The following SPPL2B variants were observed in gnomAD, a reference collection of about 807,000 sequenced individuals.
The protein encoded by SPPL2B is signal peptide peptidase-like 2B.
A neutral mutation model predicts 59.7 loss-of-function variants in SPPL2B; 39 were observed. The observed-to-expected ratio is 0.65, with a 90% CI of 0.51 to 0.85. The LOEUF is 0.85. Ranked by LOEUF, SPPL2B falls within the 40% of genes least tolerant of loss-of-function variation. The pLI is 0.00. For synonymous variants in SPPL2B, 419 were observed against 370.8 expected (o/e 1.13, Z -1.49); for missense variants, 865 against 849.0 (o/e 1.02, Z -0.23).
At chr19:2,329,154 G>T (rs1421221864) in intron 1 of SPPL2B, among the ~76,000 whole-genome samples, 6 of 152,230 alleles carry the variant, frequency 3.9e-5, no homozygotes, top group Non-Finnish European at 5.9e-5. Flanking sequence ...CCGAGCCTCA[G>T]TTTCCCCTTA....
chr19:2,349,117 C>G (rs534590688), intron 13 of SPPL2B, among the ~76,000 whole-genome samples: 1 of 132,492 alleles, frequency 7.5e-6, no homozygotes, highest in South Asian at 2.6e-4. Context: ...ATTCCATTCT[C>G]TCCCTCCACA....
rs191531924 is a variant in SPPL2B at position 2,343,317 on chromosome 19, C to T, written c.1038+25C>T. 1.4e-4 allele frequency: 219 copies of T among 1,539,926 alleles called. No individual in the cohort carries two copies. In the African/African-American group the frequency reaches 1.9e-3, roughly 13 times the overall value. ...GGTGAGTGCAGGGAGGGCACGGCTG[C>T]GGGGCAGCATGGGTAGTGGGGGCCC... On this transcript the variant is annotated intron_variant, in intron 9 of 14. Coordinates refer to ENST00000613503, the MANE Select transcript of SPPL2B (RefSeq NM_152988.3).
At chr19:2,333,292 G>A (rs983231032) in intron 1 of SPPL2B, among the ~76,000 whole-genome samples, 10 of 147,458 alleles carry the variant, frequency 6.8e-5, no homozygotes, top group Admixed American at 6.1e-4. Flanking sequence ...GGTGGGGACG[G>A]CAGGTGCGGG....
At chr19:2,331,291 G>T (rs1285060710) in intron 1 of SPPL2B, among the ~76,000 whole-genome samples, 2 of 152,228 alleles carry the variant, frequency 1.3e-5, no homozygotes, top group Non-Finnish European at 2.9e-5. Context: ...ACTTGGAAGC[G>T]GGGTTTCTAA....
chr19:2,333,423 G>A (rs998837068), intron 1 of SPPL2B, among the ~76,000 whole-genome samples: 3 of 152,214 alleles, frequency 2.0e-5, no homozygotes, highest in Non-Finnish European at 4.4e-5. Context: ...AGTGTCCGCC[G>A]TGGTCCCTGC....
rs1164802166 is a variant in SPPL2B, at chr19:2,350,406, TC to T, written c.1355-1026del. Among the ~76,000 whole-genome samples, 179 of 128,592 alleles carry T rather than the reference TC, an allele frequency of 1.4e-3. 6 individuals are homozygous for T. The highest frequency in any genetic ancestry group is 5.1e-3 in the African/African-American group (173 of 33,714). 84.4% of individuals were successfully genotyped at this position (128,592 alleles called of 152,430 possible). On this transcript the variant is annotated intron_variant, in intron 13 of 14. Transcript: ENST00000613503. ...ACACTCGCGTTCTCATTCGCTTGAT[TC>T]CGTTCTCTCTCCACACACACACTCG...
At chr19:2,337,679 G>C (rs916394393) in intron 3 of SPPL2B, 54 bp downstream of exon 3, 3 of 1,472,102 alleles carry the variant, frequency 2.0e-6, no homozygotes, top group African/African-American at 2.8e-5. Flanking sequence ...GGAGGGGGGT[G>C]CAGGAGGCAG....
At chr19:2,346,056 GT>G in intron 13 of SPPL2B, among the ~76,000 whole-genome samples, 1 of 152,006 alleles carries the variant, frequency 6.6e-6, no homozygotes, top group Non-Finnish European at 1.5e-5. Context: ...GTCTTCTACT[GT>G]TTCTTTTGTT....
intron 10 of SPPL2B, 40 bp downstream of exon 10, chr19:2,344,079 C>T: frequency 2.1e-6 from 3 of 1,410,522 alleles, no homozygotes; most frequent in East Asian, 2.7e-5. Flanking sequence ...CATCACCCCG[C>T]TCCCCCGCCC....
chr19:2,344,332 C>T (rs376130295), intron 10 of SPPL2B, 30 bp from the exon 11 acceptor site: 35 of 1,439,722 alleles, frequency 2.4e-5, no homozygotes, highest in Non-Finnish European at 3.1e-5. Flanking sequence ...CCCATCACCA[C>T]GCTCCCTCAC....
At chr19:2,348,252 A>C in intron 13 of SPPL2B, among the ~76,000 whole-genome samples, 1 of 98,184 alleles carries the variant, frequency 1.0e-5, no homozygotes, top group Non-Finnish European at 2.0e-5. Context: ...CTCTCTCCAC[A>C]CACACTCACG....
At position 2,353,028 on chromosome 19, in the gene SPPL2B, C is replaced by T. The variant is rs185802236; in HGVS notation, c.1598C>T (p.Pro533Leu). The change falls in exon 15 of 15, where the codon CCG becomes CTG. Residue 533 changes from proline (P) to leucine (L), a missense_variant. Transcript: ENST00000613503. Reference protein sequence around the residue: ...PPKDSATPLSPQPPSEEPATS... With the variant: ...PPKDSATPLSLQPPSEEPATS... ...AAAGACTCTGCCACGCCACTCTCCC[C>T]GCAGCCGCCCAGCGAAGAACCAGCC... is the stretch of plus-strand genomic sequence containing the variant. 114 of 1,612,096 alleles carry T rather than the reference C, an allele frequency of 7.1e-5. No homozygotes were observed. Among genetic ancestry groups the T allele is most frequent in the Admixed American group, 1.3e-4 (8 of 59,972 alleles).
At chr19:2,343,639 C>T (rs1969186432) in intron 9 of SPPL2B, among the ~76,000 whole-genome samples, 1 of 152,130 alleles carries the variant, frequency 6.6e-6, no homozygotes, top group Non-Finnish European at 1.5e-5. Context: ...CCCGTGAGGG[C>T]CCCACAGCAC....
intron 9 of SPPL2B, among the ~76,000 whole-genome samples, chr19:2,343,711 G>A (rs1161187783): frequency 1.3e-5 from 2 of 152,294 alleles, no homozygotes; most frequent in African/African-American, 2.4e-5. Flanking sequence ...CCGGCCCTGC[G>A]TGGCACAGGC....
Position 2,353,060 on chromosome 19 carries a change from C to T in SPPL2B, c.1630C>T (p.Pro544Ser). ...QPPSEEPATS[P>S]WPAEQSPKSR... Reference sequence around the variant, plus strand: ...GCCCAGCGAAGAACCAGCCACATCCCCCTGGCCTGCTGAGCAGTCCCCAAA... The same window carrying T: ...GCCCAGCGAAGAACCAGCCACATCCTCCTGGCCTGCTGAGCAGTCCCCAAA... Residue 544 changes from proline to serine, a missense_variant, in exon 15 of 15, where the codon CCC (proline) becomes TCC (serine). Pro to Ser is a moderately conservative substitution (Grantham distance 74, BLOSUM62 -1). Transcript: ENST00000613503. The T allele has an allele frequency of 6.2e-7, 1 of 1,612,136 alleles. No homozygotes were observed.
intron 9 of SPPL2B, among the ~76,000 whole-genome samples, 152 bp downstream of exon 9, chr19:2,343,444 C>T (rs1013940478): frequency 1.3e-5 from 2 of 152,162 alleles, no homozygotes; most frequent in African/African-American, 4.8e-5. Context: ...AAGGGTGGGG[C>T]TTGAAGATTG....
chr19:2,345,130 C>T (rs1453715504), intron 12 of SPPL2B, 123 bp from the exon 13 acceptor site: 2 of 695,576 alleles, frequency 2.9e-6, no homozygotes, highest in Non-Finnish European at 5.0e-6. Context: ...GAAATGACAG[C>T]AGCCACCAGG....
intron 8 of SPPL2B, 31 bp from the exon 9 acceptor site, chr19:2,343,180 G>C: frequency 6.5e-7 from 1 of 1,542,562 alleles, no homozygotes; most frequent in Non-Finnish European, 8.8e-7. Flanking sequence ...GCCAGCCTCT[G>C]CCCCGGCGAG....
Position 2,347,428 on chromosome 19 carries a change from TTC to T in SPPL2B, c.1354+2107_1354+2108del, listed in dbSNP as rs58473651. Among the ~76,000 whole-genome samples the T allele has an allele frequency of 1.9e-4, 6 of 31,614 alleles. 1 individual carries two copies. Among genetic ancestry groups the T allele is most frequent in the Non-Finnish European group, 2.7e-4 (5 of 18,710 alleles). The allele number at this position is 31,614 out of a possible 152,430, so 20.7% of individuals were successfully genotyped here. A position where few individuals can be genotyped will look rare whatever the true frequency, so the allele number is the denominator to read the frequency against. ...ACGCGCTCTCATTCGCCTGATTCCG[TTC>T]TCTCTCTCCACACACACACACTCTC... On this transcript the variant is annotated intron_variant, in intron 13 of 14. Transcript: ENST00000613503.
Sources: gnomAD v4.1 joint callset for allele counts (sites outside exome capture counted in the v4.1 genomes callset) on GRCh38, gnomAD v4.1.1 for gene constraint, MANE v1.5 for transcripts, NCBI Gene and HGNC (gene_info 2026-07-23, HGNC 2026-07-21) for gene names.